The following SLC6A5 variants were observed in gnomAD, a reference collection of about 807,000 sequenced individuals.
SLC6A5 encodes solute carrier family 6 member 5.
Under a neutral mutation model 90.5 loss-of-function variants are expected in SLC6A5, and 58 were observed. That is an observed-to-expected ratio of 0.64 (90% CI 0.52 to 0.80). The LOEUF is 0.80. SLC6A5 is among the 30% of genes least tolerant of loss of function. The pLI, the probability that SLC6A5 is intolerant of heterozygous loss-of-function variation, is 0.00. For synonymous variants in SLC6A5, 427 were observed against 401.4 expected (o/e 1.06, Z -0.76); for missense variants, 1,015 against 1,017.6 (o/e 1.00, Z 0.03).
In SLC6A5 at chr11:20,604,278, G is replaced by GC. The variant is rs1164932541; in HGVS notation, c.541-3dup. Reference sequence around the variant, plus strand: ...GCTGTTATCGACAATGTGCTTTTCCGCCCCCAGGAGGACGAGCAAGGGGAT... The same window carrying GC: ...GCTGTTATCGACAATGTGCTTTTCCGCCCCCCAGGAGGACGAGCAAGGGGAT... On this transcript the variant is annotated splice_region_variant and splice_polypyrimidine_tract_variant and intron_variant, in intron 2 of 15. Coordinates refer to ENST00000525748, the MANE Select transcript of SLC6A5 (RefSeq NM_004211.5). The GC allele has an allele frequency of 7.5e-6, 12 of 1,606,112 alleles. No homozygotes were observed. Among genetic ancestry groups the GC allele is most frequent in the Non-Finnish European group, 1.0e-5 (12 of 1,174,390 alleles).
intron 3 of SLC6A5, among the ~76,000 whole-genome samples, chr11:20,606,709 C>G (rs974587326): frequency 6.6e-6 from 1 of 151,878 alleles, no homozygotes; most frequent in Non-Finnish European, 1.5e-5. Context: ...AACTGAAGTG[C>G]TATAATAAAA....
chr11:20,632,768 C>A lies in SLC6A5; in HGVS notation c.1624+1953C>A, dbSNP rs567439199. Among the ~76,000 whole-genome samples, 4 of 152,210 alleles carry A rather than the reference C, an allele frequency of 2.6e-5. No homozygotes were observed. The East Asian group carries it at 5.8e-4, about 22-fold the overall frequency. Reference sequence around the variant, plus strand: ...GGGTCAGGCCTGCATTCAACCTGAGCCCCACTTCCTCCTTGCTGGGCAACA... The same window carrying A: ...GGGTCAGGCCTGCATTCAACCTGAGACCCACTTCCTCCTTGCTGGGCAACA... On this transcript the variant is annotated intron_variant, in intron 10 of 15. Coordinates refer to ENST00000525748, the MANE Select transcript of SLC6A5 (RefSeq NM_004211.5).
At chr11:20,614,914 A>G (rs2133784998) in intron 6 of SLC6A5, 94 bp downstream of exon 6, 1 of 1,210,820 alleles carries the variant, frequency 8.3e-7, no homozygotes, top group East Asian at 2.3e-5. Flanking sequence ...TGGGTAGCCC[A>G]AGGGATGAGA....
chr11:20,642,611 G>T (rs924961881), intron 13 of SLC6A5, among the ~76,000 whole-genome samples: 9 of 152,148 alleles, frequency 5.9e-5, no homozygotes, highest in Non-Finnish European at 1.0e-4. Context: ...CATGCTCAAG[G>T]CTCCAAGAAC....
At chr11:20,646,602 A>T (rs1328283510) in intron 13 of SLC6A5, among the ~76,000 whole-genome samples, 2 of 152,128 alleles carry the variant, frequency 1.3e-5, no homozygotes, top group Non-Finnish European at 1.5e-5. Flanking sequence ...ACATTTTTTA[A>T]TCTCACCACA....
At chr11:20,636,818 G>A (rs768578078) in intron 11 of SLC6A5, among the ~76,000 whole-genome samples, 48 of 152,182 alleles carry the variant, frequency 3.2e-4, no homozygotes, top group Non-Finnish European at 6.0e-4. Flanking sequence ...TTAGTCCTTG[G>A]GTGCAAAGAG....
At chr11:20,635,563 GACTTAAT>G (rs1180911102) in intron 10 of SLC6A5, among the ~76,000 whole-genome samples, 1 of 152,134 alleles carries the variant, frequency 6.6e-6, no homozygotes, top group Non-Finnish European at 1.5e-5. Flanking sequence ...ATGCATGCCA[GACTTAAT>G]ACTTAGGTGA....
At position 20,656,329 on chromosome 11, in the gene SLC6A5, C is replaced by A. The variant is rs868249066; in HGVS notation, c.*1461C>A. ...AGTCTGGGGATTTTATTTTCCCTTA[C>A]AGTAATAATATCTAAACCTAAAATT... On this transcript the variant is annotated 3_prime_UTR_variant, in exon 16 of 16. Transcript: ENST00000525748. 1 of 152,042 alleles carries A rather than the reference C, an allele frequency of 6.6e-6. No homozygotes were observed. The highest frequency in any genetic ancestry group is 1.9e-4 in the East Asian group (1 of 5,182). The allele number at this position is 152,042 out of a possible 1,614,324, so 9.4% of individuals were successfully genotyped here. A position where few individuals can be genotyped will look rare whatever the true frequency, so the allele number is the denominator to read the frequency against.
chr11:20,626,578 A>C, intron 7 of SLC6A5, 130 bp from the exon 8 acceptor site: 1 of 978,472 alleles, frequency 1.0e-6, no homozygotes, highest in East Asian at 2.5e-5. Context: ...CCCTGGCTGC[A>C]TTTGGGGACA....
In SLC6A5 at chr11:20,626,814, C is replaced by T; in HGVS notation, c.1367C>T (p.Pro456Leu). The T allele has an allele frequency of 6.2e-7, 1 of 1,613,958 alleles. No individual in the cohort carries two copies. The highest frequency in any genetic ancestry group is 8.5e-7 in the Non-Finnish European group (1 of 1,179,862). The stretch of plus-strand genomic sequence containing the variant: ...GCTGGGATCTGGTACTTCATCACAC[C>T]CAAGTGGGAGAAACTCACGGATGCC... ...AGAGIWYFIT[P>L]KWEKLTDATV... Residue 456 changes from proline (P) to leucine (L), a missense_variant, in exon 8 of 16, where the codon CCC (proline) becomes CTC (leucine). By Grantham distance (98) the Pro-to-Leu change is moderately conservative (BLOSUM62 -3). Around this residue, in one of 3 missense-constraint regions of SLC6A5, gnomAD observed 442 missense variants for 494.3 expected, o/e 0.89. Coordinates refer to ENST00000525748, the MANE Select transcript of SLC6A5 (RefSeq NM_004211.5).
chr11:20,652,871 C>T (rs1338320955), intron 15 of SLC6A5, among the ~76,000 whole-genome samples: 1 of 152,222 alleles, frequency 6.6e-6, no homozygotes, highest in Non-Finnish European at 1.5e-5. Flanking sequence ...TACCATTAAA[C>T]TTAAAATCAC....
chr11:20,623,658 C>T (rs987196994), intron 7 of SLC6A5, among the ~76,000 whole-genome samples: 2 of 152,126 alleles, frequency 1.3e-5, no homozygotes, highest in African/African-American at 2.4e-5. Flanking sequence ...ACCTAGTCTG[C>T]CCCTCCCTAC....
At chr11:20,634,901 T>A (rs1298122713) in intron 10 of SLC6A5, among the ~76,000 whole-genome samples, 1 of 152,228 alleles carries the variant, frequency 6.6e-6, no homozygotes, top group African/African-American at 2.4e-5. Context: ...TTCACTTGTC[T>A]CTGCCCATTA....
chr11:20,610,734 G>A (rs922862597), intron 5 of SLC6A5, among the ~76,000 whole-genome samples: 7 of 152,174 alleles, frequency 4.6e-5, no homozygotes, highest in African/African-American at 1.2e-4. Flanking sequence ...CTTTGAATAG[G>A]AAGATATTTT....
chr11:20,630,854 C>G, intron 10 of SLC6A5, 39 bp downstream of exon 10: 1 of 1,610,670 alleles, frequency 6.2e-7, no homozygotes, highest in Non-Finnish European at 8.5e-7. Context: ...CAGGGCAGGT[C>G]CCAGGCTCAT....
chr11:20,633,676 C>T (rs1179520705), intron 10 of SLC6A5, among the ~76,000 whole-genome samples: 1 of 152,114 alleles, frequency 6.6e-6, no homozygotes, highest in Admixed American at 6.5e-5. Flanking sequence ...TAATAATGGT[C>T]TATGTTTTCT....
intron 10 of SLC6A5, among the ~76,000 whole-genome samples, chr11:20,635,766 G>T (rs1853192942): frequency 1.3e-5 from 2 of 152,074 alleles, no homozygotes; most frequent in Admixed American, 1.3e-4. Flanking sequence ...ATAATTCTTT[G>T]TTGGCAAGAA....
chr11:20,638,828 C>G (rs1853259806), intron 13 of SLC6A5, among the ~76,000 whole-genome samples: 1 of 152,124 alleles, frequency 6.6e-6, no homozygotes, highest in Non-Finnish European at 1.5e-5. Flanking sequence ...TGGGTATGAT[C>G]TGGCATTTGA....
chr11:20,653,279 A>G (rs1853576105), intron 15 of SLC6A5, among the ~76,000 whole-genome samples: 1 of 152,164 alleles, frequency 6.6e-6, no homozygotes, highest in African/African-American at 2.4e-5. Context: ...CTCACCTGAG[A>G]ACTTGTTGGA....
Sources: allele counts gnomAD v4.1 joint callset (sites outside exome capture counted in the v4.1 genomes callset), GRCh38; gene constraint gnomAD v4.1.1; regional missense constraint gnomAD v4.1.1; transcripts MANE v1.5; gene names NCBI Gene and HGNC (gene_info 2026-07-23, HGNC 2026-07-21).